Variants in GRM7 observed in about 807,000 individuals in gnomAD.
GRM7 encodes glutamate metabotropic receptor 7.
In GRM7, 35 loss-of-function variants were observed where a neutral mutation model predicts 84.5. The observed-to-expected ratio is 0.41, with a 90% confidence interval of 0.32 to 0.55. GRM7 has a LOEUF of 0.55. Among genes scored for constraint, GRM7 ranks in the 20% least tolerant of loss-of-function variants. The pLI, the probability that GRM7 is intolerant of heterozygous loss-of-function variation, is 0.19. For synonymous variants in GRM7, 487 were observed against 455.1 expected (o/e 1.07, Z -0.89); for missense variants, 1,003 against 1,194.6 (o/e 0.84, Z 2.36).
chr3:6,891,603 C>A (rs1695949774), intron 1 of GRM7, among the ~76,000 whole-genome samples: 1 of 152,230 alleles, frequency 6.6e-6, no homozygotes, highest in African/African-American at 2.4e-5. Flanking sequence ...GAGAGATCCA[C>A]TGTTAGTCTG....
At chr3:7,169,021 T>C (rs897868467) in intron 2 of GRM7, among the ~76,000 whole-genome samples, 5 of 152,342 alleles carry the variant, frequency 3.3e-5, no homozygotes, top group African/African-American at 1.2e-4. Context: ...TTTAGAAACT[T>C]TATAAACTGT....
chr3:7,460,463 A>G (rs1180706278), intron 6 of GRM7, among the ~76,000 whole-genome samples: 1 of 152,108 alleles, frequency 6.6e-6, no homozygotes, highest in Non-Finnish European at 1.5e-5. Context: ...TCAGAGCAGC[A>G]TTGCTTTGGT....
chr3:6,916,650 G>A (rs1015978600), intron 1 of GRM7, among the ~76,000 whole-genome samples: 2 of 151,994 alleles, frequency 1.3e-5, no homozygotes, highest in Non-Finnish European at 2.9e-5. Context: ...CTCTTATAAG[G>A]ACACTAATCC....
chr3:7,184,681 A>G (rs1221399692), intron 2 of GRM7, among the ~76,000 whole-genome samples: 1 of 152,160 alleles, frequency 6.6e-6, no homozygotes, highest in Non-Finnish European at 1.5e-5. Flanking sequence ...ATTCTGTCAC[A>G]TGAACTCTTA....
chr3:7,619,818 C>T (rs983349348), intron 8 of GRM7, among the ~76,000 whole-genome samples: 2 of 152,144 alleles, frequency 1.3e-5, no homozygotes, highest in African/African-American at 4.8e-5. Context: ...GTCCCACAAC[C>T]TTTTGTGCCT....
chr3:7,002,835 C>A (rs1695061810), intron 1 of GRM7, among the ~76,000 whole-genome samples: 1 of 151,952 alleles, frequency 6.6e-6, no homozygotes, highest in Non-Finnish European at 1.5e-5. Context: ...ATAGAATTAA[C>A]CTAATTGTTT....
chr3:7,686,428 CT>C (rs1700588375), intron 9 of GRM7: 2 of 1,484,106 alleles, frequency 1.3e-6, no homozygotes, highest in African/African-American at 1.4e-5. Flanking sequence ...AACAGTATAG[CT>C]TTTGACTGCT....
chr3:7,073,829 T>TTAGA (rs542179988), intron 1 of GRM7, among the ~76,000 whole-genome samples: 71 of 149,612 alleles, frequency 4.7e-4, no homozygotes, highest in African/African-American at 1.5e-3. Context: ...GTTTATGGTC[T>TTAGA]TAGAGTAGAG....
At chr3:6,889,217 C>G (rs1480177082) in intron 1 of GRM7, among the ~76,000 whole-genome samples, 1 of 152,014 alleles carries the variant, frequency 6.6e-6, no homozygotes, top group African/African-American at 2.4e-5. Context: ...ATTGAATGCC[C>G]TTTATTTCCT....
intron 1 of GRM7, among the ~76,000 whole-genome samples, chr3:7,115,220 C>A (rs1283254055): frequency 6.6e-6 from 1 of 152,070 alleles, no homozygotes; most frequent in African/African-American, 2.4e-5. Context: ...AACCATAATG[C>A]TATATTTTAA....
chr3:6,972,290 A>G (rs374554275), intron 1 of GRM7, among the ~76,000 whole-genome samples: 1 of 152,168 alleles, frequency 6.6e-6, no homozygotes, highest in Non-Finnish European at 1.5e-5. Flanking sequence ...TCTGAGTTAG[A>G]TTTTGAATAC....
At chr3:7,226,351 T>C (rs889293923) in intron 2 of GRM7, among the ~76,000 whole-genome samples, 2 of 152,174 alleles carry the variant, frequency 1.3e-5, no homozygotes, top group African/African-American at 2.4e-5. Flanking sequence ...GCAAAATTTA[T>C]TTCCTTGTGG....
At chr3:7,072,243 G>A (rs1270990356) in intron 1 of GRM7, among the ~76,000 whole-genome samples, 1 of 152,144 alleles carries the variant, frequency 6.6e-6, no homozygotes, top group Non-Finnish European at 1.5e-5. Context: ...AACTCTTACA[G>A]TGGAGCTAGA....
intron 2 of GRM7, among the ~76,000 whole-genome samples, chr3:7,212,127 T>C (rs1236926223): frequency 1.3e-5 from 2 of 151,872 alleles, no homozygotes; most frequent in African/African-American, 4.8e-5. Flanking sequence ...ATGTCAAAAA[T>C]AGTATTAATC....
At chr3:7,059,724 C>T (rs1458250026) in intron 1 of GRM7, among the ~76,000 whole-genome samples, 1 of 151,442 alleles carries the variant, frequency 6.6e-6, no homozygotes, top group Non-Finnish European at 1.5e-5. Context: ...AGGGTGAGAC[C>T]CTCATGAATG....
chr3:7,493,060 A>C (rs1699579361), intron 7 of GRM7, among the ~76,000 whole-genome samples: 1 of 152,022 alleles, frequency 6.6e-6, no homozygotes. Flanking sequence ...TATTTCTTTT[A>C]AATTTGATGA....
intron 9 of GRM7, among the ~76,000 whole-genome samples, chr3:7,728,282 C>A (rs1702201052): frequency 6.6e-6 from 1 of 152,194 alleles, no homozygotes; most frequent in African/African-American, 2.4e-5. Flanking sequence ...GAGTTTATGT[C>A]TGTAACCAGG....
At chr3:7,049,784 G>T (rs550496683) in intron 1 of GRM7, among the ~76,000 whole-genome samples, 1 of 151,906 alleles carries the variant, frequency 6.6e-6, no homozygotes, top group South Asian at 2.1e-4. Flanking sequence ...TAAGAGAAAA[G>T]AGTTAGTTAG....
rs1028424255 is a variant in GRM7 at position 7,416,029 on chromosome 3, G to A, written c.1174+866G>A. On this transcript the variant is annotated intron_variant, in intron 5 of 9. Transcript: ENST00000357716. ...TGAAGAAATGGACATTGGCTGGTTA[G>A]GGAAGGAAAATAGGTTGGAGAATTC... Among the ~76,000 whole-genome samples the A allele has an allele frequency of 7.9e-5, 12 of 152,114 alleles. 1 individual carries two copies. Among genetic ancestry groups the A allele is most frequent in the Admixed American group, 2.6e-4 (4 of 15,252 alleles).
Sources: gnomAD v4.1 joint callset for allele counts (sites outside exome capture counted in the v4.1 genomes callset) on GRCh38, gnomAD v4.1.1 for gene constraint, MANE v1.5 for transcripts, NCBI Gene and HGNC (gene_info 2026-07-23, HGNC 2026-07-21) for gene names.